Variants in CXCL13 observed in about 807,000 individuals in gnomAD.
The protein encoded by CXCL13 is C-X-C motif chemokine ligand 13.
A neutral mutation model predicts 12.2 loss-of-function variants in CXCL13; 7 were observed. The ratio of observed to expected loss-of-function variants is 0.57; its 90% confidence interval spans 0.33 to 1.07. The LOEUF is 1.07. CXCL13 is among the 50% of genes least tolerant of loss of function. CXCL13 has a pLI of 0.04. For synonymous variants in CXCL13, 47 were observed against 42.4 expected, an observed-to-expected ratio of 1.11 and a Z score of -0.42; for missense variants, 113 against 127.4, an observed-to-expected ratio of 0.89 and a Z score of 0.55.
intron 1 of CXCL13, among the ~76,000 whole-genome samples, chr4:77,543,509 C>T (rs1227541854): frequency 1.3e-5 from 2 of 152,072 alleles, no homozygotes; most frequent in Non-Finnish European, 2.9e-5. Flanking sequence ...TAACTTTCCT[C>T]TTAACATTGC....
At chr4:77,545,273 A>G (rs901386515) in intron 1 of CXCL13, among the ~76,000 whole-genome samples, 2 of 152,118 alleles carry the variant, frequency 1.3e-5, no homozygotes, top group Non-Finnish European at 2.9e-5. Flanking sequence ...GTTTTTTCTA[A>G]TTCTGTGAAG....
intron 1 of CXCL13, among the ~76,000 whole-genome samples, chr4:77,526,689 A>G (rs975875023): frequency 2.0e-5 from 3 of 152,160 alleles, no homozygotes; most frequent in African/African-American, 7.2e-5. Context: ...TGGTGTAAGC[A>G]AAGACAGTGA....
intron 1 of CXCL13, among the ~76,000 whole-genome samples, chr4:77,561,560 G>A (rs1489619850): frequency 1.3e-5 from 2 of 152,200 alleles, no homozygotes; most frequent in Non-Finnish European, 2.9e-5. Context: ...GCTGATCTTG[G>A]AGTGTAGCAC....
intron 1 of CXCL13, among the ~76,000 whole-genome samples, chr4:77,598,817 G>A (rs1726825801): frequency 6.7e-6 from 1 of 148,434 alleles, no homozygotes; most frequent in African/African-American, 2.6e-5. Flanking sequence ...CCAACACAAT[G>A]ATTTTTTTTT....
Position 77,515,658 on chromosome 4 carries a change from G to C in CXCL13, c.-43+3870G>C, listed in dbSNP as rs994830558. Among the ~76,000 whole-genome samples, 8 of 152,214 alleles carry C rather than the reference G, an allele frequency of 5.3e-5. No homozygotes were observed. In the East Asian group the frequency reaches 1.5e-3, roughly 29 times the overall value. Reference sequence around the variant, plus strand: ...CTTGTGATTTTTGCACATTGATTTTGTATCCTGAGACTTTGCTGAAGTTGC... The same window carrying C: ...CTTGTGATTTTTGCACATTGATTTTCTATCCTGAGACTTTGCTGAAGTTGC... On this transcript the variant is annotated intron_variant, in intron 1 of 4. Transcript: ENST00000286758.
intron 1 of CXCL13, among the ~76,000 whole-genome samples, chr4:77,533,333 A>G (rs1479658570): frequency 6.6e-6 from 1 of 152,170 alleles, no homozygotes; most frequent in Non-Finnish European, 1.5e-5. Context: ...TCAGCAGCAG[A>G]GGCTGCACAA....
intron 1 of CXCL13, among the ~76,000 whole-genome samples, chr4:77,524,042 CTGCAGAACAGCAAATAT>C (rs1366462723): frequency 2.0e-5 from 3 of 152,072 alleles, no homozygotes; most frequent in Non-Finnish European, 2.9e-5. Context: ...CCAGTGGAGG[CTGCAGAACAGCAAATAT>C]TGCAGAACAG....
chr4:77,522,676 G>T (rs188754507), intron 1 of CXCL13, among the ~76,000 whole-genome samples: 42 of 151,616 alleles, frequency 2.8e-4, no homozygotes, highest in Admixed American at 2.0e-3. Flanking sequence ...TTATCAGTTT[G>T]TGTGTTTTAA....
At chr4:77,543,852 C>A (rs1725280500) in intron 1 of CXCL13, among the ~76,000 whole-genome samples, 1 of 152,104 alleles carries the variant, frequency 6.6e-6, no homozygotes, top group Admixed American at 6.6e-5. Flanking sequence ...CACCCACTAA[C>A]TCGTCATTTA....
At chr4:77,546,397 G>A (rs958953326) in intron 1 of CXCL13, among the ~76,000 whole-genome samples, 4 of 152,036 alleles carry the variant, frequency 2.6e-5, no homozygotes, top group Non-Finnish European at 5.9e-5. Context: ...TTGGTTGGTA[G>A]GCTATTAATT....
intron 1 of CXCL13, among the ~76,000 whole-genome samples, chr4:77,517,186 G>T (rs944054717): frequency 2.6e-4 from 40 of 152,054 alleles, no homozygotes; most frequent in African/African-American, 8.2e-4. Flanking sequence ...TTGTTATAAT[G>T]TCTGTTCTTT....
intron 1 of CXCL13, among the ~76,000 whole-genome samples, chr4:77,531,553 C>G (rs1724917716): frequency 6.6e-6 from 1 of 152,018 alleles, no homozygotes; most frequent in Non-Finnish European, 1.5e-5. Context: ...CTGTAGGTGT[C>G]TATTAGGTCC....
chr4:77,542,116 C>T (rs13147246), intron 1 of CXCL13, among the ~76,000 whole-genome samples: 1 of 152,016 alleles, frequency 6.6e-6, no homozygotes, highest in Non-Finnish European at 1.5e-5. Context: ...TTGAAGGAGT[C>T]TTTAGGATTT....
At chr4:77,545,821 G>T (rs551376325) in intron 1 of CXCL13, among the ~76,000 whole-genome samples, 23 of 152,262 alleles carry the variant, frequency 1.5e-4, no homozygotes, top group African/African-American at 5.3e-4. Context: ...TCCCTGTCTT[G>T]TGACAGTTTT....
intron 1 of CXCL13, among the ~76,000 whole-genome samples, chr4:77,537,939 C>A (rs1725100265): frequency 6.6e-6 from 1 of 152,158 alleles, no homozygotes; most frequent in African/African-American, 2.4e-5. Context: ...AAAAGGGTAT[C>A]TTTCTTTCTG....
chr4:77,533,863 A>G (rs576485818), intron 1 of CXCL13, among the ~76,000 whole-genome samples: 7 of 152,266 alleles, frequency 4.6e-5, no homozygotes, highest in Non-Finnish European at 1.0e-4. Context: ...CTGGTGTGCC[A>G]TTTGCTAAGA....
chr4:77,602,843 T>G (rs1414740056), upstream of CXCL13, among the ~76,000 whole-genome samples: 1 of 152,216 alleles, frequency 6.6e-6, no homozygotes, highest in Non-Finnish European at 1.5e-5. Context: ...TTTTTGAAAT[T>G]TATACCTCTA....
At chr4:77,517,826 A>C (rs529777313) in intron 1 of CXCL13, among the ~76,000 whole-genome samples, 65 of 152,180 alleles carry the variant, frequency 4.3e-4, no homozygotes, top group Non-Finnish European at 8.1e-4. Flanking sequence ...TAATATTGTT[A>C]TGTGTGAATT....
chr4:77,563,943 C>T (rs893566396), intron 1 of CXCL13, among the ~76,000 whole-genome samples: 2 of 152,114 alleles, frequency 1.3e-5, no homozygotes, highest in Non-Finnish European at 2.9e-5. Flanking sequence ...TAAAGTTTTT[C>T]CATATGCTGA....
Sources: gnomAD v4.1 joint callset for allele counts (sites outside exome capture counted in the v4.1 genomes callset) on GRCh38, gnomAD v4.1.1 for gene constraint, MANE v1.5 for transcripts, NCBI Gene and HGNC (gene_info 2026-07-23, HGNC 2026-07-21) for gene names.